The following ERAP2 variants were observed in gnomAD, a reference collection of about 807,000 sequenced individuals.
The protein encoded by ERAP2 is leukocyte-derived arginine aminopeptidase.
Under a neutral mutation model 111.1 loss-of-function variants are expected in ERAP2, and 118 were observed. That is an observed-to-expected ratio of 1.06 (90% CI 0.92 to 1.24). The LOEUF (loss-of-function observed/expected upper bound fraction) is 1.24, where lower values mean the gene tolerates loss of function less well. Ranked by LOEUF, ERAP2 falls within the 50% of genes most tolerant of loss-of-function variation. ERAP2 has a pLI of 0.00. For missense variants in ERAP2, 1,131 were observed against 1,125.8 expected, an observed-to-expected ratio of 1.00 and a Z score of -0.07; for synonymous variants, 410 against 401.2, an observed-to-expected ratio of 1.02 and a Z score of -0.26.
At chr5:96,907,200 A>C (rs1041523294) in intron 13 of ERAP2, among the ~76,000 whole-genome samples, 7 of 152,244 alleles carry the variant, frequency 4.6e-5, no homozygotes, top group African/African-American at 1.7e-4. Context: ...TAAGCTAAAC[A>C]AACATTCAGA....
At chr5:96,879,237 T>C (rs1268580499) in intron 1 of ERAP2, among the ~76,000 whole-genome samples, 1 of 152,110 alleles carries the variant, frequency 6.6e-6, no homozygotes, top group Non-Finnish European at 1.5e-5. Flanking sequence ...CATAAATAAA[T>C]AAACAAAAAT....
rs763811763 is a variant in ERAP2, at chr5:96,901,652, A to G, written c.1719A>G (p.Glu573=). 4.3e-6 allele frequency: 7 copies of G among 1,613,918 alleles called. No homozygotes were observed. The highest frequency in any genetic ancestry group is 2.2e-5 in the South Asian group (2 of 91,088). ...QERFLQGVFQ[E]DPEWRALQER... ...GCTTCCTCCAGGGGGTTTTCCAGGA[A>G]GACCCTGAATGGAGGGCCCTGCAGG... The change falls in exon 11 of 19, where the codon GAA becomes GAG. Residue 573 remains glutamate (E), a synonymous_variant. Coordinates refer to ENST00000437043, the MANE Select transcript of ERAP2 (RefSeq NM_022350.5).
chr5:96,879,104 A>T (rs940107318), intron 1 of ERAP2, among the ~76,000 whole-genome samples: 1 of 152,150 alleles, frequency 6.6e-6, no homozygotes, highest in African/African-American at 2.4e-5. Flanking sequence ...CTGTAGTCCC[A>T]GCTACTCTGG....
At chr5:96,886,526 C>T (rs1783733461) in intron 3 of ERAP2, 129 bp from the exon 4 acceptor site, 2 of 614,692 alleles carry the variant, frequency 3.3e-6, no homozygotes, top group African/African-American at 1.9e-5. Context: ...AGGCCATTGC[C>T]CCCCTAGGAG....
chr5:96,906,169 C>T (rs1356509749), intron 13 of ERAP2, among the ~76,000 whole-genome samples: 5 of 134,930 alleles, frequency 3.7e-5, no homozygotes, highest in South Asian at 2.6e-4. Flanking sequence ...CTCTTAACCA[C>T]GACACGACAC....
chr5:96,887,122 CACACAT>C (rs1211202750), intron 4 of ERAP2, among the ~76,000 whole-genome samples: 109 of 126,378 alleles, frequency 8.6e-4, no homozygotes, highest in African/African-American at 3.0e-3. Flanking sequence ...CACACACACA[CACACAT>C]ACATATATAC....
At chr5:96,884,870 C>G (rs958493366) in intron 3 of ERAP2, among the ~76,000 whole-genome samples, 4 of 152,226 alleles carry the variant, frequency 2.6e-5, no homozygotes, top group Non-Finnish European at 4.4e-5. Context: ...TAAGGAAACA[C>G]ACACTCACTG....
intron 17 of ERAP2, 77 bp from the exon 18 acceptor site, chr5:96,915,611 A>G: frequency 1.3e-6 from 1 of 766,766 alleles, no homozygotes; most frequent in African/African-American, 1.8e-5. Flanking sequence ...AATATACATT[A>G]AAAATATAAT....
intron 15 of ERAP2, among the ~76,000 whole-genome samples, chr5:96,910,622 C>G (rs1361140681): frequency 6.6e-6 from 1 of 152,120 alleles, no homozygotes; most frequent in Non-Finnish European, 1.5e-5. Flanking sequence ...ATAATCTTAA[C>G]CTGCAGTAAC....
rs544681479 is a variant in ERAP2, at chr5:96,886,594, T to C, written c.715-61T>C. 9.4e-6 allele frequency: 13 copies of C among 1,387,830 alleles called. No individual in the cohort carries two copies. The East Asian group carries it at 2.4e-4, about 26-fold the overall frequency. 86.0% of individuals were successfully genotyped at this position (1,387,830 alleles called of 1,614,324 possible). On this transcript the variant is annotated intron_variant, in intron 3 of 18. Coordinates refer to ENST00000437043, the MANE Select transcript of ERAP2 (RefSeq NM_022350.5). ...CCTCTAACTCACCTGCCATAAGTCA[T>C]AGGCATGGTTATGAAATACTCCAGT...
At chr5:96,906,789 C>T (rs984975069) in intron 13 of ERAP2, among the ~76,000 whole-genome samples, 8 of 152,130 alleles carry the variant, frequency 5.3e-5, no homozygotes, top group Admixed American at 2.6e-4. Flanking sequence ...CCCAGTACTT[C>T]GTGAGGCCAA....
intron 3 of ERAP2, among the ~76,000 whole-genome samples, chr5:96,884,210 G>T (rs1183191518): frequency 2.6e-5 from 4 of 152,114 alleles, no homozygotes; most frequent in Non-Finnish European, 4.4e-5. Flanking sequence ...TCTTAAATCT[G>T]TGTTTCTTGG....
intron 13 of ERAP2, among the ~76,000 whole-genome samples, chr5:96,907,237 T>C (rs1581889495): frequency 6.6e-6 from 1 of 152,176 alleles, no homozygotes. Flanking sequence ...TTTTGAAGCA[T>C]AGGGTTAGTA....
At position 96,901,574 on chromosome 5, in the gene ERAP2, C is replaced by T. The variant is rs267600744; in HGVS notation, c.1641C>T (p.Ile547=). The change falls in exon 11 of 19, where the codon ATC becomes ATT. Residue 547 remains isoleucine, a synonymous_variant. Transcript: ENST00000437043. ...CTACATGGACTCTCCAGAAAGGAAT[C>T]CCCCTGCTGGTGGTTAAACAAGACG... ...MMTTWTLQKG[I]PLLVVKQDGC... The T allele has an allele frequency of 6.2e-7, 1 of 1,614,090 alleles. No individual in the cohort carries two copies. Among genetic ancestry groups the T allele is most frequent in the Non-Finnish European group, 8.5e-7 (1 of 1,179,976 alleles).
At chr5:96,915,616 T>C in intron 17 of ERAP2, 72 bp from the exon 18 acceptor site, 1 of 820,918 alleles carries the variant, frequency 1.2e-6, no homozygotes, top group Non-Finnish European at 1.8e-6. Flanking sequence ...ACATTAAAAA[T>C]ATAATACATG....
At position 96,909,063 on chromosome 5, in the gene ERAP2, G is replaced by GT. The variant is rs768755360; in HGVS notation, c.2119dup (p.Tyr707LeufsTer14). 6.2e-7 allele frequency: 1 copy of GT among 1,614,114 alleles called. No homozygotes were observed. Among genetic ancestry groups the GT allele is most frequent in the South Asian group, 1.1e-5 (1 of 91,082 alleles). On this transcript the variant is annotated frameshift_variant, in exon 14 of 19. Coordinates refer to ENST00000437043, the MANE Select transcript of ERAP2 (RefSeq NM_022350.5). LOFTEE classifies it high-confidence loss of function. ...TCGAAGGTCTGAGTTACTTGGAATC[G>GT]TTTTACCACATGATGGACAGAAGGA...
chr5:96,876,822 A>G (rs1782584241), intron 1 of ERAP2, among the ~76,000 whole-genome samples: 1 of 152,144 alleles, frequency 6.6e-6, no homozygotes, highest in Non-Finnish European at 1.5e-5. Context: ...CTGCATTGCT[A>G]TTTAAGGTAC....
In ERAP2 at chr5:96,886,682, C is replaced by T. The variant is rs746038360; in HGVS notation, c.742C>T (p.Leu248Phe). Residue 248 changes from leucine (L) to phenylalanine (F), a missense_variant, in exon 4 of 19, where the codon CTT (leucine) becomes TTT (phenylalanine). Physicochemically the swap from Leu to Phe is conservative, Grantham distance 22. Around this residue, in one of 3 missense-constraint regions of ERAP2, gnomAD observed 847 missense variants for 856.5 expected, o/e 0.99. Coordinates refer to ENST00000437043, the MANE Select transcript of ERAP2 (RefSeq NM_022350.5). ...KVKTIELEGG[L>F]LEDHFETTVK... ...TAAGACAATTGAACTTGAAGGAGGTCTTTTGGAAGATCACTTTGAAACTAC... is the reference window on the plus strand; with the variant it reads ...TAAGACAATTGAACTTGAAGGAGGTTTTTTGGAAGATCACTTTGAAACTAC... The T allele has an allele frequency of 2.6e-6, 4 of 1,549,314 alleles. No homozygotes were observed. The South Asian group carries it at 4.8e-5, about 19-fold the overall frequency.
chr5:96,892,356 C>A lies in ERAP2; in HGVS notation c.1028C>A (p.Thr343Lys). Residue 343 changes from threonine to lysine, a missense_variant, in exon 6 of 19, where the codon ACA (threonine) becomes AAA (lysine). By Grantham distance (78) the Thr-to-Lys change is moderately conservative. This residue lies in a region of ERAP2 where 847 missense variants were observed against 856.5 expected (regional missense o/e 0.99). Transcript: ENST00000437043. ...PGAMENWGLI[T>K]YRETSLLFDP... ...GCCATGGAAAATTGGGGCCTCATTA[C>A]ATATAGGGAGACGTCACTGCTTTTT... 1 of 1,614,026 alleles carries A rather than the reference C, an allele frequency of 6.2e-7. No individual in the cohort carries two copies. Among genetic ancestry groups the A allele is most frequent in the Non-Finnish European group, 8.5e-7 (1 of 1,179,928 alleles).
Sources: allele counts gnomAD v4.1 joint callset (sites outside exome capture counted in the v4.1 genomes callset), GRCh38; gene constraint gnomAD v4.1.1; regional missense constraint gnomAD v4.1.1; transcripts MANE v1.5; gene names NCBI Gene and HGNC (gene_info 2026-07-23, HGNC 2026-07-21).